The following TTC39B variants were observed in gnomAD, a reference collection of about 807,000 sequenced individuals.
TTC39B encodes the protein tetratricopeptide repeat domain 39B.
Under a neutral mutation model 96.6 loss-of-function variants are expected in TTC39B, and 92 were observed. That is an observed-to-expected ratio of 0.95 (90% CI 0.80 to 1.13). TTC39B has a LOEUF of 1.13. Among genes scored for constraint, TTC39B ranks in the 50% most tolerant of loss-of-function variants. The probability of loss-of-function intolerance (pLI) is 0.00; values close to 1 mark genes in which losing one functional copy is unlikely to be tolerated. For missense variants in TTC39B, 955 were observed against 809.3 expected, an observed-to-expected ratio of 1.18 and a Z score of -2.18; for synonymous variants, 367 against 299.4, an observed-to-expected ratio of 1.23 and a Z score of -2.33.
At chr9:15,294,877 G>A (rs1020174930) in intron 1 of TTC39B, among the ~76,000 whole-genome samples, 1 of 152,136 alleles carries the variant, frequency 6.6e-6, no homozygotes, top group African/African-American at 2.4e-5. Flanking sequence ...AGGCCTCCCT[G>A]AACCCTCACA....
chr9:15,192,306 G>A (rs979794879), intron 9 of TTC39B, among the ~76,000 whole-genome samples: 2 of 152,166 alleles, frequency 1.3e-5, no homozygotes, highest in South Asian at 4.1e-4. Flanking sequence ...TATTTCTGCT[G>A]TGGAAATGGA....
chr9:15,283,739 T>A (rs1048973943), intron 1 of TTC39B, among the ~76,000 whole-genome samples: 2 of 152,292 alleles, frequency 1.3e-5, no homozygotes, highest in Non-Finnish European at 2.9e-5. Context: ...CATATCGGAA[T>A]TTTATTATTC....
chr9:15,219,615 C>T (rs1343269388), intron 3 of TTC39B, among the ~76,000 whole-genome samples: 4 of 152,188 alleles, frequency 2.6e-5, no homozygotes, highest in Non-Finnish European at 2.9e-5. Context: ...ATCCTTATCT[C>T]CGACACCTCG....
At chr9:15,170,985 G>A (rs1247140358) in exon 20 of TTC39B, 1 of 152,158 alleles carries the variant, frequency 6.6e-6, no homozygotes, top group Admixed American at 6.5e-5. Flanking sequence ...GTGACACACA[G>A]GGCACAGTGG....
At chr9:15,194,059 T>A (rs536853475) in intron 8 of TTC39B, among the ~76,000 whole-genome samples, 2 of 152,208 alleles carry the variant, frequency 1.3e-5, no homozygotes, top group Non-Finnish European at 2.9e-5. Context: ...ACTGTATCCA[T>A]GTCAGTTTCC....
intron 4 of TTC39B, 120 bp from the exon 5 acceptor site, chr9:15,211,517 G>T: frequency 1.1e-6 from 1 of 897,196 alleles, no homozygotes; most frequent in Non-Finnish European, 1.5e-6. Context: ...CATAATCACT[G>T]AAATTATATG....
intron 2 of TTC39B, among the ~76,000 whole-genome samples, chr9:15,234,608 G>T (rs1439835331): frequency 6.6e-6 from 1 of 152,152 alleles, no homozygotes; most frequent in Admixed American, 6.5e-5. Flanking sequence ...GTGGGGAAAA[G>T]ATTGAGAAAT....
chr9:15,258,580 T>G (rs1473834941), intron 2 of TTC39B, among the ~76,000 whole-genome samples: 7 of 152,168 alleles, frequency 4.6e-5, no homozygotes, highest in African/African-American at 1.7e-4. Flanking sequence ...AGGTTACTTA[T>G]GGAGGAGGCA....
intron 1 of TTC39B, among the ~76,000 whole-genome samples, chr9:15,297,972 A>G (rs1385104557): frequency 6.6e-6 from 1 of 152,168 alleles, no homozygotes; most frequent in Non-Finnish European, 1.5e-5. Flanking sequence ...GTGTTTCCAG[A>G]AGAGACTGGC....
chr9:15,242,596 G>A (rs1260147039), intron 2 of TTC39B, among the ~76,000 whole-genome samples: 1 of 151,986 alleles, frequency 6.6e-6, no homozygotes, highest in Non-Finnish European at 1.5e-5. Context: ...AAGAAAGAAA[G>A]AAAGAAAGAA....
At chr9:15,189,135 T>C (rs2118752301) in intron 13 of TTC39B, among the ~76,000 whole-genome samples, 1 of 152,354 alleles carries the variant, frequency 6.6e-6, no homozygotes, top group Admixed American at 6.5e-5. Context: ...GGCTCCTTAC[T>C]TTTCTACTTC....
At chr9:15,167,891 T>C (rs1477807581) in exon 20 of TTC39B, 1 of 152,202 alleles carries the variant, frequency 6.6e-6, no homozygotes, top group African/African-American at 2.4e-5. Context: ...TAAAATTTCT[T>C]AATCTAGTAC....
chr9:15,164,874 T>TA (rs1220217108), exon 20 of TTC39B: 1 of 152,196 alleles, frequency 6.6e-6, no homozygotes, highest in Non-Finnish European at 1.5e-5. Context: ...CTGCAAATAT[T>TA]AATTAAAGAG....
At chr9:15,264,411 G>T (rs184604212) in intron 2 of TTC39B, among the ~76,000 whole-genome samples, 2 of 151,974 alleles carry the variant, frequency 1.3e-5, no homozygotes, top group Non-Finnish European at 2.9e-5. Context: ...CAGCACTTTG[G>T]GGGAGGCCAA....
chr9:15,269,896 T>A (rs909423557), intron 1 of TTC39B, among the ~76,000 whole-genome samples: 2 of 149,314 alleles, frequency 1.3e-5, no homozygotes. Context: ...CGACTGGACC[T>A]GGTGGCTTAC....
intron 3 of TTC39B, among the ~76,000 whole-genome samples, chr9:15,218,083 C>T (rs1231738951): frequency 6.7e-6 from 1 of 149,568 alleles, no homozygotes; most frequent in Non-Finnish European, 1.5e-5. Context: ...TGGCTCACAC[C>T]TGTAATCCCA....
rs879756426 is a variant in TTC39B at position 15,285,275 on chromosome 9, A to T, written c.241-17327T>A. 7.3e-3 allele frequency among the ~76,000 whole-genome samples: 604 copies of T among 83,036 alleles called. 5 individuals are homozygous for T. Among genetic ancestry groups the T allele is most frequent in the African/African-American group, 0.019 (573 of 30,088 alleles). 54.5% of individuals were successfully genotyped at this position (83,036 alleles called of 152,430 possible). ...CAGAGCAAGACTCCGTCTCAAAAAG[A>T]AAAAAAAAAAAAAGATCCTTTCATG... On this transcript the variant is annotated intron_variant, in intron 1 of 19. Coordinates refer to ENST00000512701, the Ensembl canonical transcript of TTC39B.
At chr9:15,185,575 C>G (rs2118687284) in intron 15 of TTC39B, 169 bp from the exon 16 acceptor site, 1 of 970,114 alleles carries the variant, frequency 1.0e-6, no homozygotes, top group Non-Finnish European at 1.5e-6. Context: ...CCTACTGAAT[C>G]AGCAACTCCA....
At chr9:15,217,396 A>G (rs529423370) in intron 3 of TTC39B, among the ~76,000 whole-genome samples, 13 of 152,208 alleles carry the variant, frequency 8.5e-5, no homozygotes, top group African/African-American at 2.2e-4. Context: ...GGGAGGATAC[A>G]CTATACACAC....
Sources: allele counts gnomAD v4.1 joint callset (sites outside exome capture counted in the v4.1 genomes callset), GRCh38; gene constraint gnomAD v4.1.1; transcripts MANE v1.5; gene names NCBI Gene and HGNC (gene_info 2026-07-23, HGNC 2026-07-21).